ZBTB49: variants seen among roughly 807,000 people sequenced by gnomAD.
ZBTB49 encodes zinc finger and BTB domain containing 49, also known as zinc finger and BTB domain-containing protein 49.
Under a neutral mutation model 57.5 loss-of-function variants are expected in ZBTB49, and 43 were observed. The ratio of observed to expected loss-of-function variants is 0.75; its 90% CI spans 0.59 to 0.97. The LOEUF (loss-of-function observed/expected upper bound fraction) is 0.97, where lower values mean the gene tolerates loss of function less well. ZBTB49 is among the 50% of genes least tolerant of loss of function. The pLI is 0.00. For missense variants in ZBTB49, 938 were observed against 947.7 expected (o/e 0.99, Z 0.13); for synonymous variants, 369 against 362.1 (o/e 1.02, Z -0.22).
Position 4,315,800 on chromosome 4 carries a change from T to C in ZBTB49, c.1460-9T>C. 1 of 1,614,038 alleles carries C rather than the reference T, an allele frequency of 6.2e-7. No homozygotes were observed. The highest frequency in any genetic ancestry group is 8.5e-7 in the Non-Finnish European group (1 of 1,179,954). On this transcript the variant is annotated splice_polypyrimidine_tract_variant and intron_variant, in intron 6 of 7. Transcript: ENST00000337872. The stretch of plus-strand genomic sequence containing the variant: ...TCCTTCAGCTTAACACCTGTTATGG[T>C]CTCTCTAGGGTTTAGTAACTTCAGT...
At chr4:4,314,077 A>G (rs370926757) in intron 5 of ZBTB49, among the ~76,000 whole-genome samples, 6 of 152,194 alleles carry the variant, frequency 3.9e-5, no homozygotes, top group African/African-American at 1.4e-4. Flanking sequence ...AAAGCCGAGG[A>G]GGAAGCGACT....
rs551232328 is a variant in ZBTB49 at position 4,321,596 on chromosome 4, C to T, written c.*280C>T. 50 of 490,322 alleles carry T rather than the reference C, an allele frequency of 1.0e-4. No individual in the cohort carries two copies. The highest frequency in any genetic ancestry group is 8.1e-4 in the African/African-American group (42 of 51,674). 30.4% of individuals were successfully genotyped at this position (490,322 alleles called of 1,614,324 possible). ...CAGCCTCAGCTGTGGGGGGGAAGCG[C>T]GTGTGCATCGTGTCAACTACTGTAC... is the stretch of plus-strand genomic sequence containing the variant. On this transcript the variant is annotated 3_prime_UTR_variant, in exon 8 of 8. Coordinates refer to ENST00000337872, the MANE Select transcript of ZBTB49 (RefSeq NM_145291.4).
Position 4,321,019 on chromosome 4 carries a change from G to A in ZBTB49, c.2001G>A (p.Gln667=). Residue 667 remains glutamine (Q), a synonymous_variant, in exon 8 of 8, where the codon CAG becomes CAA. Coordinates refer to ENST00000337872, the MANE Select transcript of ZBTB49 (RefSeq NM_145291.4). ...TCCAACCTCATGGAGTTAGTGACCA[G>A]GAGAAGCTGAGTTTGGATCCTGGTA... The part of the protein sequence containing the change: ...SMIQPHGVSD[Q]EKLSLDPGKL... 1 of 1,614,194 alleles carries A rather than the reference G, an allele frequency of 6.2e-7. No homozygotes were observed. Among genetic ancestry groups the A allele is most frequent in the Non-Finnish European group, 8.5e-7 (1 of 1,180,042 alleles).
chr4:4,318,330 A>G (rs2108902507), intron 7 of ZBTB49, among the ~76,000 whole-genome samples: 1 of 152,216 alleles, frequency 6.6e-6, no homozygotes, highest in African/African-American at 2.4e-5. Context: ...AAGATTAAAA[A>G]CTTGGCCAGG....
chr4:4,292,203 C>T (rs373356543), intron 1 of ZBTB49, among the ~76,000 whole-genome samples: 2 of 152,246 alleles, frequency 1.3e-5, no homozygotes, highest in African/African-American at 2.4e-5. Flanking sequence ...ATCGCTTGAA[C>T]CCAGGAGGTG....
chr4:4,297,026 A>G (rs903322997), intron 1 of ZBTB49, among the ~76,000 whole-genome samples: 37 of 152,290 alleles, frequency 2.4e-4, no homozygotes, highest in African/African-American at 8.2e-4. Flanking sequence ...TTAAGGCACT[A>G]TGGTTATCAA....
rs2916382 is a variant in ZBTB49, at chr4:4,302,610, C to T, written c.774C>T (p.Ala258=). 0.83 allele frequency: 1,346,200 copies of T among 1,612,884 alleles called. 562,618 individuals carry two copies. The highest frequency in any genetic ancestry group is 0.86 in the Admixed American group (51,762 of 59,860). ...CCACGGTAGAGAGCCAGCCTTGTGC[C>T]GTCAGTCATTCTGAATGCATCCTGG... is the stretch of plus-strand genomic sequence containing the variant. The part of the protein sequence containing the change: ...DLTTVESQPC[A]VSHSECILES... Residue 258 remains alanine (A), a synonymous_variant, in exon 3 of 8, where the codon GCC becomes GCT. Coordinates refer to ENST00000337872, the MANE Select transcript of ZBTB49 (RefSeq NM_145291.4).
chr4:4,312,082 A>G (rs965278542), intron 4 of ZBTB49, among the ~76,000 whole-genome samples: 1 of 152,136 alleles, frequency 6.6e-6, no homozygotes, highest in African/African-American at 2.4e-5. Context: ...GCTAGTATTC[A>G]TTCTCGTTTT....
chr4:4,308,054 G>A (rs1206575168), intron 4 of ZBTB49, among the ~76,000 whole-genome samples: 1 of 152,100 alleles, frequency 6.6e-6, no homozygotes, highest in African/African-American at 2.4e-5. Flanking sequence ...GATTTGGAGT[G>A]GGGCTTAGGT....
chr4:4,293,284 G>C (rs1414013469), intron 1 of ZBTB49, among the ~76,000 whole-genome samples: 1 of 150,252 alleles, frequency 6.7e-6, no homozygotes, highest in Non-Finnish European at 1.5e-5. Flanking sequence ...AGAACCTTCT[G>C]CTCCTTCTCT....
chr4:4,319,656 A>G (rs985255934), intron 7 of ZBTB49, among the ~76,000 whole-genome samples: 2 of 152,192 alleles, frequency 1.3e-5, no homozygotes, highest in African/African-American at 4.8e-5. Flanking sequence ...CCCCATCTCT[A>G]CAAAAAATAT....
intron 1 of ZBTB49, among the ~76,000 whole-genome samples, chr4:4,295,920 A>G (rs541544043): frequency 6.6e-6 from 1 of 152,362 alleles, no homozygotes; most frequent in South Asian, 2.1e-4. Flanking sequence ...CCATTGAAGA[A>G]GTTTAGCAGA....
In ZBTB49 at chr4:4,307,366, G is replaced by A. The variant is rs550020185; in HGVS notation, c.1302+1182G>A. Among the ~76,000 whole-genome samples the A allele has an allele frequency of 2.3e-4, 35 of 152,330 alleles. No homozygotes were observed. In the South Asian group the frequency reaches 7.2e-3, roughly 32 times the overall value. On this transcript the variant is annotated intron_variant, in intron 4 of 7. Coordinates refer to ENST00000337872, the MANE Select transcript of ZBTB49 (RefSeq NM_145291.4). ...CTTCTTCCTGCCAGCCTGGCCTGGG[G>A]TTCAGAGCTTGGCCTCTGGGGCTGG...
intron 5 of ZBTB49, among the ~76,000 whole-genome samples, chr4:4,313,383 A>G (rs1045434760): frequency 4.6e-5 from 7 of 152,272 alleles, no homozygotes; most frequent in African/African-American, 1.7e-4. Flanking sequence ...ATTATTTTAT[A>G]CTAATATTTT....
chr4:4,316,890 G>A (rs1375466267), intron 7 of ZBTB49, among the ~76,000 whole-genome samples: 1 of 152,186 alleles, frequency 6.6e-6, no homozygotes, highest in Non-Finnish European at 1.5e-5. Flanking sequence ...ACTAACGTAG[G>A]AGCCTACTGT....
intron 3 of ZBTB49, 110 bp downstream of exon 3, chr4:4,303,201 G>C: frequency 6.8e-6 from 9 of 1,313,998 alleles, no homozygotes; most frequent in Non-Finnish European, 8.1e-6. Flanking sequence ...TGATGTCATT[G>C]ATGATTTTAA....
intron 1 of ZBTB49, among the ~76,000 whole-genome samples, 151 bp from the exon 2 acceptor site, chr4:4,299,776 G>GGGGTGTGTGTGTGT (rs1553803870): frequency 3.9e-5 from 4 of 103,636 alleles, no homozygotes; most frequent in African/African-American, 1.1e-4. Context: ...CAGAAACAGA[G>GGGGTGTGTGTGTGT]GTGTGTGTGT....
intron 7 of ZBTB49, among the ~76,000 whole-genome samples, chr4:4,316,264 A>G (rs1721192492): frequency 6.6e-6 from 1 of 152,176 alleles, no homozygotes; most frequent in African/African-American, 2.4e-5. Context: ...CTGGGAAAGT[A>G]GGGGACAGCA....
At chr4:4,319,942 T>C (rs1360375343) in intron 7 of ZBTB49, among the ~76,000 whole-genome samples, 1 of 151,874 alleles carries the variant, frequency 6.6e-6, no homozygotes, top group Non-Finnish European at 1.5e-5. Flanking sequence ...CAGGCATCTG[T>C]AATCCCAGCC....
Sources: allele counts gnomAD v4.1 joint callset (sites outside exome capture counted in the v4.1 genomes callset), GRCh38; gene constraint gnomAD v4.1.1; transcripts MANE v1.5; gene names NCBI Gene and HGNC (gene_info 2026-07-23, HGNC 2026-07-21).